The following CSMD3 variants were observed in gnomAD, a reference collection of about 807,000 sequenced individuals.
CSMD3 encodes the protein CUB and sushi domain-containing protein 3.
Under a neutral mutation model 435.2 loss-of-function variants are expected in CSMD3, and 177 were observed. The ratio of observed to expected loss-of-function variants is 0.41; its 90% CI spans 0.36 to 0.46. The LOEUF (loss-of-function observed/expected upper bound fraction) is 0.46, where lower values mean the gene tolerates loss of function less well. CSMD3 is among the 20% of genes least tolerant of loss of function. The pLI is 0.34. For synonymous variants in CSMD3, 1,656 were observed against 1,520.5 expected, an observed-to-expected ratio of 1.09 and a Z score of -2.07; for missense variants, 4,265 against 4,504.6, an observed-to-expected ratio of 0.95 and a Z score of 1.52.
At chr8:113,075,855 C>T (rs973455676) in intron 5 of CSMD3, among the ~76,000 whole-genome samples, 6 of 151,526 alleles carry the variant, frequency 4.0e-5, no homozygotes, top group Non-Finnish European at 8.9e-5. Context: ...AAGAATGCAC[C>T]AGTGATATCC....
At chr8:112,525,751 CATAT>C (rs553559009) in intron 27 of CSMD3, among the ~76,000 whole-genome samples, 60 of 119,476 alleles carry the variant, frequency 5.0e-4, no homozygotes, top group African/African-American at 1.5e-3. Flanking sequence ...CATATATATA[CATAT>C]ATATATATAT....
chr8:112,748,502 C>G (rs2077492854), intron 13 of CSMD3, among the ~76,000 whole-genome samples: 1 of 151,996 alleles, frequency 6.6e-6, no homozygotes, highest in Non-Finnish European at 1.5e-5. Context: ...CCCACCCTCC[C>G]GCATCAAGTA....
At chr8:112,472,794 T>C (rs1273135160) in intron 31 of CSMD3, 87 bp from the exon 32 acceptor site, 1 of 744,596 alleles carries the variant, frequency 1.3e-6, no homozygotes, top group Non-Finnish European at 2.4e-6. Context: ...AAAAAATATA[T>C]GGCTAATGGA....
intron 1 of CSMD3, among the ~76,000 whole-genome samples, chr8:113,372,904 G>A (rs1301030745): frequency 1.4e-5 from 2 of 145,110 alleles, no homozygotes; most frequent in Non-Finnish European, 3.0e-5. Flanking sequence ...ACTGCAGTCC[G>A]CAGTCCGGCC....
At chr8:112,260,279 G>C (rs375153189) in intron 61 of CSMD3, among the ~76,000 whole-genome samples, 1 of 151,996 alleles carries the variant, frequency 6.6e-6, no homozygotes. Flanking sequence ...ATTTTCTAGC[G>C]GTATGACCTT....
At chr8:113,179,290 TTTA>T (rs906144119) in intron 3 of CSMD3, among the ~76,000 whole-genome samples, 4 of 151,786 alleles carry the variant, frequency 2.6e-5, no homozygotes, top group Admixed American at 6.6e-5. Context: ...AAATTGCAGT[TTTA>T]TTATTATTAT....
At chr8:112,397,820 C>T (rs951928550) in intron 35 of CSMD3, among the ~76,000 whole-genome samples, 2 of 152,188 alleles carry the variant, frequency 1.3e-5, no homozygotes, top group Non-Finnish European at 2.9e-5. Context: ...CATTCTGCTG[C>T]TGGCCCCCAA....
chr8:113,386,917 G>A (rs10955657), intron 1 of CSMD3, among the ~76,000 whole-genome samples: 69,846 of 151,400 alleles, frequency 0.46, 16,446 homozygotes, highest in African/African-American at 0.53. Context: ...CGAAAGAGTG[G>A]CATGAAAGAA....
intron 10 of CSMD3, among the ~76,000 whole-genome samples, chr8:112,913,623 A>C (rs2082489124): frequency 1.3e-5 from 2 of 151,730 alleles, no homozygotes. Context: ...ATCCTCAATA[A>C]GTTTATGCTC....
intron 13 of CSMD3, among the ~76,000 whole-genome samples, chr8:112,791,801 G>C (rs933834438): frequency 3.7e-4 from 57 of 152,122 alleles, no homozygotes; most frequent in African/African-American, 1.2e-3. Context: ...AAATTGCCAA[G>C]CTGTTTTCCA....
chr8:112,790,446 G>A (rs868295287), intron 13 of CSMD3, among the ~76,000 whole-genome samples: 2 of 151,944 alleles, frequency 1.3e-5, no homozygotes, highest in South Asian at 4.2e-4. Flanking sequence ...TCACAAAAGA[G>A]CAAGTCAGAT....
intron 13 of CSMD3, among the ~76,000 whole-genome samples, chr8:112,762,559 C>A (rs929283898): frequency 2.6e-5 from 4 of 151,774 alleles, no homozygotes; most frequent in Non-Finnish European, 5.9e-5. Flanking sequence ...AAGAGGTGGG[C>A]AGATTGTAAA....
intron 9 of CSMD3, among the ~76,000 whole-genome samples, chr8:112,946,754 T>G (rs1474615038): frequency 6.6e-6 from 1 of 151,724 alleles, no homozygotes; most frequent in Admixed American, 6.6e-5. Flanking sequence ...AATATTATTA[T>G]CTGTATTAAG....
intron 13 of CSMD3, among the ~76,000 whole-genome samples, chr8:112,755,632 C>T (rs1231713642): frequency 2.0e-5 from 3 of 150,496 alleles, no homozygotes; most frequent in Non-Finnish European, 3.0e-5. Context: ...AGGGTGAGAA[C>T]GGACTAATAG....
At position 112,304,886 on chromosome 8, in the gene CSMD3, T is replaced by G; in HGVS notation, c.8101A>C (p.Ile2701Leu). ...ATTCGCCATCTTCCATGTTCCAAGA[T>G]AAAGGAATTGATGCTTGGACATGTA... ...VVTCPSINSFILEHGRWRIVN... is the reference protein window; with the variant it reads ...VVTCPSINSFLLEHGRWRIVN... The change falls in exon 52 of 71, where the codon ATC becomes CTC. Residue 2701 changes from isoleucine to leucine, a missense_variant. This residue lies in a region of CSMD3 where 3,255 missense variants were observed against 3,380.2 expected (regional missense o/e 0.96). Coordinates refer to ENST00000297405, the MANE Select transcript of CSMD3 (RefSeq NM_198123.2). 6.2e-7 allele frequency: 1 copy of G among 1,613,728 alleles called. No individual in the cohort carries two copies. The highest frequency in any genetic ancestry group is 8.5e-7 in the Non-Finnish European group (1 of 1,179,836).
intron 22 of CSMD3, among the ~76,000 whole-genome samples, chr8:112,595,008 G>A (rs1563746166): frequency 2.0e-5 from 3 of 152,200 alleles, no homozygotes; most frequent in Admixed American, 1.3e-4. Flanking sequence ...GAACAAAGCT[G>A]AATGGAGAAT....
chr8:112,865,296 A>G (rs1009860544), intron 10 of CSMD3, among the ~76,000 whole-genome samples: 2 of 152,124 alleles, frequency 1.3e-5, no homozygotes, highest in African/African-American at 2.4e-5. Context: ...TAAGGACATG[A>G]TTCACAGGTT....
intron 54 of CSMD3, among the ~76,000 whole-genome samples, chr8:112,293,149 G>T (rs1284602115): frequency 6.6e-6 from 1 of 151,914 alleles, no homozygotes; most frequent in Non-Finnish European, 1.5e-5. Context: ...TCAGTGCTTT[G>T]GGAGGCCGGG....
At position 112,314,430 on chromosome 8, in the gene CSMD3, A is replaced by C. The variant is rs764627490; in HGVS notation, c.7548T>G (p.Asp2516Glu). 6.3e-7 allele frequency: 1 copy of C among 1,594,062 alleles called. No individual in the cohort carries two copies. The highest frequency in any genetic ancestry group is 8.6e-7 in the Non-Finnish European group (1 of 1,162,040). Residue 2516 changes from aspartate (D) to glutamate (E), a missense_variant and splice_region_variant, in exon 48 of 71, where the codon GAT (aspartate) becomes GAG (glutamate). By Grantham distance (45) the Asp-to-Glu change is conservative (BLOSUM62 2). Coordinates refer to ENST00000297405, the MANE Select transcript of CSMD3 (RefSeq NM_198123.2). ...CCAATAAATATAACCCTTGGTTACC[A>C]TCATACACCTGAAGAACATCAAATT... Reference protein sequence around the residue: ...EKEFDVLQVYDGPNIQSPVLI... With the variant: ...EKEFDVLQVYEGPNIQSPVLI...
Sources: allele counts gnomAD v4.1 joint callset (sites outside exome capture counted in the v4.1 genomes callset), GRCh38; gene constraint gnomAD v4.1.1; regional missense constraint gnomAD v4.1.1; transcripts MANE v1.5; gene names NCBI Gene and HGNC (gene_info 2026-07-23, HGNC 2026-07-21).